BIRC6: variants seen among roughly 807,000 people sequenced by gnomAD.
The protein encoded by BIRC6 is baculoviral IAP repeat containing 6.
In BIRC6, 98 loss-of-function variants were observed where a neutral mutation model predicts 503.3. That is an observed-to-expected ratio of 0.19 (90% CI 0.17 to 0.23). The LOEUF (loss-of-function observed/expected upper bound fraction) is 0.23. BIRC6 is among the 10% of genes least tolerant of loss of function. The pLI is 1.00. For missense variants in BIRC6, 5,360 were observed against 5,806.0 expected, an observed-to-expected ratio of 0.92 and a Z score of 2.50; for synonymous variants, 2,240 against 2,078.7, an observed-to-expected ratio of 1.08 and a Z score of -2.11.
At chr2:32,455,553 G>C (rs923697843) in intron 23 of BIRC6, among the ~76,000 whole-genome samples, 1 of 152,240 alleles carries the variant, frequency 6.6e-6, no homozygotes, top group South Asian at 2.1e-4. Context: ...CTTGAACCTG[G>C]GAGGTGGAGG....
Position 32,525,570 on chromosome 2 carries a change from G to A in BIRC6, c.11862G>A (p.Glu3954=). 1.2e-6 allele frequency: 2 copies of A among 1,613,948 alleles called. No individual in the cohort carries two copies. The highest frequency in any genetic ancestry group is 1.1e-5 in the South Asian group (1 of 91,064). Residue 3954 remains glutamate, a synonymous_variant, in exon 59 of 74, where the codon GAG becomes GAA. Transcript: ENST00000421745. ...AAATAGGAAGTACTTCAGGAGCAGA[G>A]GCTGCCAACAAAATAATTACTGTCC... ...PDKIGSTSGA[E]AANKIITVPV... is the part of the protein sequence containing the mutation.
intron 1 of BIRC6, among the ~76,000 whole-genome samples, chr2:32,369,530 C>T (rs2035470572): frequency 6.6e-6 from 1 of 150,742 alleles, no homozygotes. Context: ...CGGGTTCAAG[C>T]GTTTCTTCTG....
At chr2:32,395,676 A>C in intron 6 of BIRC6, 83 bp downstream of exon 6, 1 of 1,288,244 alleles carries the variant, frequency 7.8e-7, no homozygotes, top group Non-Finnish European at 1.1e-6. Context: ...TGCTTATGAT[A>C]TAATTTTTTG....
chr2:32,481,354 A>G lies in BIRC6; in HGVS notation c.7443A>G (p.Lys2481=). The change falls in exon 38 of 74, where the codon AAA becomes AAG. Residue 2481 remains lysine (K), a synonymous_variant. Coordinates refer to ENST00000421745, the MANE Select transcript of BIRC6 (RefSeq NM_016252.4). ...APPLSSLEKD[K]EIDLELLQDL... ...CTCTGTCCTCTTTGGAAAAAGATAA[A>G]GAAATTGACCTTGAGTTACTTCAGG... is the stretch of plus-strand genomic sequence containing the variant. 6.2e-7 allele frequency: 1 copy of G among 1,610,248 alleles called. No individual in the cohort carries two copies. The highest frequency in any genetic ancestry group is 1.1e-5 in the South Asian group (1 of 90,532).
intron 66 of BIRC6, among the ~76,000 whole-genome samples, chr2:32,584,995 C>CCCAAAG (rs2060932646): frequency 1.3e-5 from 2 of 152,134 alleles, no homozygotes; most frequent in African/African-American, 4.8e-5. Context: ...TTAATTCTAT[C>CCCAAAG]CCCAAAGCCT....
chr2:32,445,141 T>C (rs1414137770), intron 20 of BIRC6, among the ~76,000 whole-genome samples: 1 of 152,228 alleles, frequency 6.6e-6, no homozygotes, highest in Non-Finnish European at 1.5e-5. Context: ...AGAAACAGTA[T>C]GTTGGTAAGG....
In BIRC6 at chr2:32,543,261, A is replaced by T. The variant is rs1362214570; in HGVS notation, c.12312A>T (p.Thr4104=). 2 of 1,613,864 alleles carry T rather than the reference A, an allele frequency of 1.2e-6. No homozygotes were observed. The highest frequency in any genetic ancestry group is 4.5e-5 in the East Asian group (2 of 44,898). The change falls in exon 62 of 74, where the codon ACA becomes ACT. Residue 4104 remains threonine, a synonymous_variant. Transcript: ENST00000421745. Reference sequence around the variant, plus strand: ...TTTAGGTGAGTGCTCCAGTTGTAACATCTACCACTCAGGAAAAGCCGAAGG... The same window carrying T: ...TTTAGGTGAGTGCTCCAGTTGTAACTTCTACCACTCAGGAAAAGCCGAAGG... The part of the protein sequence containing the change: ...VIQQVSAPVV[T]STTQEKPKDS...
intron 66 of BIRC6, among the ~76,000 whole-genome samples, chr2:32,588,016 G>C (rs1456145119): frequency 1.3e-5 from 2 of 152,134 alleles, no homozygotes; most frequent in Non-Finnish European, 2.9e-5. Context: ...CTTTTATGAA[G>C]AGTAGGTCAG....
At position 32,469,283 on chromosome 2, in the gene BIRC6, T is replaced by C; in HGVS notation, c.6128-112T>C. The C allele has an allele frequency of 3.8e-6, 3 of 792,440 alleles. No individual in the cohort carries two copies. In the East Asian group the frequency reaches 8.1e-5, roughly 21 times the overall value. The allele number at this position is 792,440 out of a possible 1,614,324, so 49.1% of individuals were successfully genotyped here. Reference sequence around the variant, plus strand: ...TAAATACATTGCAGAATAAATAGAATATAATTATCTACTGATTACTAGAAA... The same window carrying C: ...TAAATACATTGCAGAATAAATAGAACATAATTATCTACTGATTACTAGAAA... On this transcript the variant is annotated intron_variant, in intron 29 of 73. Coordinates refer to ENST00000421745, the MANE Select transcript of BIRC6 (RefSeq NM_016252.4).
chr2:32,604,960 A>G (rs1175749035), intron 71 of BIRC6, among the ~76,000 whole-genome samples: 2 of 148,216 alleles, frequency 1.3e-5, no homozygotes, highest in Admixed American at 6.8e-5. Context: ...TTGGCTTACT[A>G]CAACCTCTGC....
intron 21 of BIRC6, among the ~76,000 whole-genome samples, chr2:32,447,325 G>T (rs2046110992): frequency 1.3e-5 from 2 of 150,894 alleles, no homozygotes; most frequent in Non-Finnish European, 3.0e-5. Flanking sequence ...CCCAGTAGGG[G>T]CGGCCGGGCA....
chr2:32,401,384 A>C lies in BIRC6; in HGVS notation c.1256A>C (p.Lys419Thr). The C allele has an allele frequency of 6.2e-7, 1 of 1,613,662 alleles. No homozygotes were observed. Among genetic ancestry groups the C allele is most frequent in the Non-Finnish European group, 8.5e-7 (1 of 1,179,604 alleles). ...ATATGGGATGTTTCCAAACTTATGA[A>C]GGTATGTTTGAATTTTGAAGTAACA... is the stretch of plus-strand genomic sequence containing the variant. ...ICIWDVSKLM[K>T]VHLKFEINAY... Residue 419 changes from lysine to threonine, a missense_variant and splice_region_variant, in exon 7 of 74, where the codon AAG (lysine) becomes ACG (threonine). Lys to Thr is a moderately conservative substitution (Grantham distance 78). Around this residue, in one of 16 missense-constraint regions of BIRC6, gnomAD observed 700 missense variants for 739.3 expected, o/e 0.95. Transcript: ENST00000421745.
chr2:32,482,528 C>A lies in BIRC6; in HGVS notation c.7642C>A (p.Pro2548Thr). Reference sequence around the variant, plus strand: ...TCTGGGAATTCCTGTAGCAAAGCCACCAGCAAACACGGAGAAGAACGGATC... The same window carrying A: ...TCTGGGAATTCCTGTAGCAAAGCCAACAGCAAACACGGAGAAGAACGGATC... ...GGLGIPVAKP[P>T]ANTEKNGSQT... The change falls in exon 39 of 74, where the codon CCA (proline) becomes ACA (threonine). Residue 2548 changes from proline (P) to threonine (T), a missense_variant. Coordinates refer to ENST00000421745, the MANE Select transcript of BIRC6 (RefSeq NM_016252.4). 1 of 1,613,910 alleles carries A rather than the reference C, an allele frequency of 6.2e-7. No individual in the cohort carries two copies. The highest frequency in any genetic ancestry group is 8.5e-7 in the Non-Finnish European group (1 of 1,179,840).
chr2:32,468,531 A>G lies in BIRC6; in HGVS notation c.5875A>G (p.Lys1959Glu). 6.2e-7 allele frequency: 1 copy of G among 1,614,030 alleles called. No individual in the cohort carries two copies. The highest frequency in any genetic ancestry group is 8.5e-7 in the Non-Finnish European group (1 of 1,179,874). ...TAACAATGCACAGTACTTTTTACGA[A>G]AACCAGATAAGGCAGTTGAGGAAGA... ...SANNAQYFLRKPDKAVEEDSR... is the reference protein window; with the variant it reads ...SANNAQYFLREPDKAVEEDSR... Residue 1959 changes from lysine (K) to glutamate (E), a missense_variant, in exon 29 of 74, where the codon AAA becomes GAA. By Grantham distance (56) the Lys-to-Glu change is moderately conservative. Around this residue, in one of 16 missense-constraint regions of BIRC6, gnomAD observed 2,299 missense variants for 2,267.2 expected, o/e 1.01. Coordinates refer to ENST00000421745, the MANE Select transcript of BIRC6 (RefSeq NM_016252.4).
At chr2:32,519,150 G>C (rs945464534) in intron 57 of BIRC6, 11 of 472,438 alleles carry the variant, frequency 2.3e-5, no homozygotes, top group African/African-American at 2.1e-4. Flanking sequence ...TAATTTTTTG[G>C]TTTATTGTGT....
chr2:32,560,693 A>G (rs2059110556), intron 65 of BIRC6, among the ~76,000 whole-genome samples: 3 of 152,058 alleles, frequency 2.0e-5, no homozygotes, highest in South Asian at 4.1e-4. Flanking sequence ...CATCCTCCTG[A>G]TTAGCTGGGA....
At chr2:32,594,131 C>T in intron 67 of BIRC6, 71 bp downstream of exon 67, 1 of 1,472,404 alleles carries the variant, frequency 6.8e-7, no homozygotes, top group South Asian at 1.4e-5. Flanking sequence ...CTGAAACCTG[C>T]CTTTGTGTTT....
intron 50 of BIRC6, among the ~76,000 whole-genome samples, chr2:32,505,902 A>G (rs546334657): frequency 1.2e-4 from 18 of 151,898 alleles, no homozygotes; most frequent in African/African-American, 4.3e-4. Context: ...CCCAGGCTGG[A>G]GTGCAGTTTT....
At position 32,556,491 on chromosome 2, in the gene BIRC6, A is replaced by G. The variant is rs868023344; in HGVS notation, c.13144+7010A>G. 3.3e-5 allele frequency among the ~76,000 whole-genome samples: 5 copies of G among 152,342 alleles called. No individual in the cohort carries two copies. The South Asian group carries it at 8.3e-4, about 25-fold the overall frequency. On this transcript the variant is annotated intron_variant, in intron 65 of 73. Transcript: ENST00000421745. ...AAGAAAAGCTTAATCAGATTTCCAC[A>G]TAACTACCTACCAGATTAGCCATAA... is the stretch of plus-strand genomic sequence containing the variant.
Sources: allele counts gnomAD v4.1 joint callset (sites outside exome capture counted in the v4.1 genomes callset), GRCh38; gene constraint gnomAD v4.1.1; regional missense constraint gnomAD v4.1.1; transcripts MANE v1.5; gene names NCBI Gene and HGNC (gene_info 2026-07-23, HGNC 2026-07-21).